The following RPA2 variants were observed in gnomAD, a reference collection of about 807,000 sequenced individuals.
RPA2 encodes the protein replication protein A2, also known as replication protein A 32 kDa subunit.
RPA2 carries 22 observed loss-of-function variants against 33.4 expected under a neutral mutation model. The ratio of observed to expected loss-of-function variants is 0.66; its 90% CI spans 0.47 to 0.94. The LOEUF (loss-of-function observed/expected upper bound fraction) is 0.94. RPA2 is among the 40% of genes least tolerant of loss of function. The probability of loss-of-function intolerance (pLI) is 0.00; values close to 1 mark genes in which losing one functional copy is unlikely to be tolerated. For synonymous variants in RPA2, 109 were observed against 114.9 expected (o/e 0.95, Z 0.33); for missense variants, 279 against 329.9 (o/e 0.85, Z 1.19).
chr1:27,906,485 T>G (rs1030552900), intron 4 of RPA2, among the ~76,000 whole-genome samples: 1 of 150,232 alleles, frequency 6.7e-6, no homozygotes, highest in South Asian at 2.1e-4. Context: ...AGGTCAGGAG[T>G]TCAAGACCAG....
At chr1:27,901,447 C>A (rs1347129569) in intron 4 of RPA2, among the ~76,000 whole-genome samples, 2 of 151,742 alleles carry the variant, frequency 1.3e-5, no homozygotes, top group Non-Finnish European at 2.9e-5. Flanking sequence ...ACTGCAACCT[C>A]CACCTCCTGG....
intron 4 of RPA2, among the ~76,000 whole-genome samples, chr1:27,903,761 C>T (rs2089995293): frequency 6.7e-6 from 1 of 149,052 alleles, no homozygotes; most frequent in Admixed American, 6.8e-5. Context: ...GGCACGGTGG[C>T]ATCAGCCTAT....
chr1:27,906,464 G>A (rs998193546), intron 4 of RPA2, among the ~76,000 whole-genome samples: 2 of 152,026 alleles, frequency 1.3e-5, no homozygotes, highest in Non-Finnish European at 2.9e-5. Flanking sequence ...GGCCAAGGTA[G>A]GTGGATCACA....
chr1:27,909,609 G>A (rs1056411043), intron 2 of RPA2, among the ~76,000 whole-genome samples: 6 of 152,102 alleles, frequency 3.9e-5, no homozygotes, highest in African/African-American at 1.4e-4. Flanking sequence ...AGCTACTGGG[G>A]AGGCTGAGGC....
intron 2 of RPA2, among the ~76,000 whole-genome samples, chr1:27,908,588 T>C (rs560035274): frequency 1.4e-3 from 207 of 152,106 alleles, no homozygotes; most frequent in Admixed American, 2.3e-3. Context: ...CTCAATCTCC[T>C]GGGTTCAAGC....
intron 6 of RPA2, 100 bp from the exon 7 acceptor site, chr1:27,894,497 A>G (rs936902527): frequency 2.4e-5 from 22 of 912,272 alleles, no homozygotes; most frequent in Non-Finnish European, 3.4e-5. Context: ...AAAACAATTT[A>G]TAAACAGTTT....
intron 2 of RPA2, among the ~76,000 whole-genome samples, chr1:27,910,019 T>A (rs28988903): frequency 7.9e-4 from 120 of 152,330 alleles, no homozygotes; most frequent in African/African-American, 2.8e-3. Context: ...TCTTAAAATT[T>A]GCAGGGGTCC....
At chr1:27,898,796 A>T (rs935223659) in intron 4 of RPA2, among the ~76,000 whole-genome samples, 14 of 152,174 alleles carry the variant, frequency 9.2e-5, no homozygotes, top group African/African-American at 3.4e-4. Context: ...TGACCTCATG[A>T]TCCACCCGTC....
chr1:27,909,554 TA>T (rs920305838), intron 2 of RPA2, among the ~76,000 whole-genome samples: 5 of 149,826 alleles, frequency 3.3e-5, no homozygotes, highest in Admixed American at 1.3e-4. Context: ...ACTAAAAATT[TA>T]AAAAAAAAAT....
At chr1:27,896,645 G>A (rs962486005) in intron 6 of RPA2, among the ~76,000 whole-genome samples, 10 of 152,184 alleles carry the variant, frequency 6.6e-5, no homozygotes, top group African/African-American at 2.4e-4. Context: ...TAAGTTGGAA[G>A]GAAGACAGCA....
intron 4 of RPA2, among the ~76,000 whole-genome samples, chr1:27,901,087 C>A (rs2089961590): frequency 1.3e-5 from 2 of 152,172 alleles, no homozygotes; most frequent in Non-Finnish European, 1.5e-5. Flanking sequence ...GAGATTGAAT[C>A]CAATTTTGAA....
At chr1:27,901,081 T>C (rs1459380890) in intron 4 of RPA2, among the ~76,000 whole-genome samples, 1 of 152,226 alleles carries the variant, frequency 6.6e-6, no homozygotes, top group East Asian at 1.9e-4. Context: ...GGGTTTGAGA[T>C]TGAATCCAAT....
intron 4 of RPA2, among the ~76,000 whole-genome samples, chr1:27,901,357 G>GT (rs111707062): frequency 1.3e-3 from 189 of 148,038 alleles, no homozygotes; most frequent in African/African-American, 3.4e-3. Flanking sequence ...TAGCCATAAA[G>GT]TTTTTTTTTT....
intron 2 of RPA2, 70 bp downstream of exon 2, chr1:27,913,993 G>C: frequency 7.9e-6 from 11 of 1,390,620 alleles, no homozygotes; most frequent in Non-Finnish European, 8.7e-6. Flanking sequence ...AAAGCATAAA[G>C]TTTCTGTCAT....
intron 4 of RPA2, among the ~76,000 whole-genome samples, chr1:27,904,844 G>A (rs1458734110): frequency 6.6e-6 from 1 of 152,096 alleles, no homozygotes; most frequent in Non-Finnish European, 1.5e-5. Flanking sequence ...TAGAGATGGA[G>A]TTTCATCACG....
At chr1:27,901,323 G>A (rs1571612468) in intron 4 of RPA2, among the ~76,000 whole-genome samples, 2 of 152,108 alleles carry the variant, frequency 1.3e-5, no homozygotes, top group Non-Finnish European at 2.9e-5. Context: ...CTGAGGGTTC[G>A]GATAACTGAT....
intron 4 of RPA2, among the ~76,000 whole-genome samples, chr1:27,903,647 A>C (rs939942900): frequency 4.0e-5 from 6 of 151,568 alleles, no homozygotes; most frequent in African/African-American, 1.2e-4. Flanking sequence ...TGAACCCGAG[A>C]AGCAGAGGTT....
In RPA2 at chr1:27,914,501, A is replaced by T. The variant is rs1158816560; in HGVS notation, c.-58T>A. ...AGGTGCGGGTCTGGGGGAATAGCGG[A>T]AAACCACAGAACGCGGCCGCCACTG... is the stretch of plus-strand genomic sequence containing the variant. On this transcript the variant is annotated 5_prime_UTR_variant, in exon 1 of 9. Coordinates refer to ENST00000373912, the MANE Select transcript of RPA2 (RefSeq NM_002946.5). The T allele has an allele frequency of 1.4e-5, 22 of 1,594,170 alleles. No individual in the cohort carries two copies. In the Admixed American group the frequency reaches 1.8e-4, roughly 13 times the overall value.
intron 4 of RPA2, 125 bp downstream of exon 4, chr1:27,906,803 A>C (rs2090034305): frequency 6.3e-6 from 4 of 637,600 alleles, no homozygotes; most frequent in Admixed American, 3.1e-5. Flanking sequence ...CTTTTACTTT[A>C]GAGTATCTGT....
Sources: gnomAD v4.1 joint callset for allele counts (sites outside exome capture counted in the v4.1 genomes callset) on GRCh38, gnomAD v4.1.1 for gene constraint, MANE v1.5 for transcripts, NCBI Gene and HGNC (gene_info 2026-07-23, HGNC 2026-07-21) for gene names.